Variants in CTDSPL2 observed in about 807,000 individuals in gnomAD.
CTDSPL2 encodes the protein CTD small phosphatase like 2, also known as CTD small phosphatase-like protein 2.
CTDSPL2 carries 5 observed loss-of-function variants against 60.0 expected under a neutral mutation model. The ratio of observed to expected loss-of-function variants is 0.08; its 90% CI spans 0.04 to 0.18. CTDSPL2 has a LOEUF of 0.18. Among genes scored for constraint, CTDSPL2 ranks in the 10% least tolerant of loss-of-function variants. The pLI is 1.00. For missense variants in CTDSPL2, 370 were observed against 548.8 expected, an observed-to-expected ratio of 0.67 and a Z score of 3.26; for synonymous variants, 186 against 189.3, an observed-to-expected ratio of 0.98 and a Z score of 0.14.
intron 8 of CTDSPL2, chr15:44,501,831 G>C (rs2140836127): frequency 2.9e-6 from 1 of 346,116 alleles, no homozygotes; most frequent in African/African-American, 2.1e-5. Flanking sequence ...ACATTCCCTT[G>C]GATTTCTTAT....
chr15:44,512,117 A>G (rs1301216068), intron 8 of CTDSPL2, among the ~76,000 whole-genome samples: 2 of 151,932 alleles, frequency 1.3e-5, no homozygotes, highest in Non-Finnish European at 2.9e-5. Context: ...GGATCACTTC[A>G]GCCCGGGAGG....
intron 1 of CTDSPL2, among the ~76,000 whole-genome samples, chr15:44,444,461 C>G (rs1366062724): frequency 3.3e-5 from 5 of 152,064 alleles, no homozygotes; most frequent in Non-Finnish European, 7.4e-5. Flanking sequence ...CCTGCCACCT[C>G]AGCCTCCCAA....
At chr15:44,461,360 A>G (rs935571290) in intron 2 of CTDSPL2, among the ~76,000 whole-genome samples, 2 of 152,088 alleles carry the variant, frequency 1.3e-5, no homozygotes, top group African/African-American at 4.8e-5. Context: ...CATTCAACAC[A>G]TATTTTGTAT....
intron 1 of CTDSPL2, among the ~76,000 whole-genome samples, chr15:44,452,283 T>C (rs943488295): frequency 1.3e-5 from 2 of 152,224 alleles, no homozygotes; most frequent in South Asian, 2.1e-4. Flanking sequence ...AAAAATTCTT[T>C]TTAATGATGT....
rs564439148 is a variant in CTDSPL2, at chr15:44,487,596, T to C, written c.475+896T>C. ...GCCATTCCAGGTAGAAGGAGCAGCA[T>C]GCGTAGAGGCCTTGCAGCAGAAAAC... On this transcript the variant is annotated intron_variant, in intron 4 of 12. Coordinates refer to ENST00000260327, the MANE Select transcript of CTDSPL2 (RefSeq NM_016396.3). 4.5e-3 allele frequency among the ~76,000 whole-genome samples: 682 copies of C among 152,332 alleles called. 4 individuals are homozygous for C. Among genetic ancestry groups the C allele is most frequent in the African/African-American group, 0.016 (649 of 41,582 alleles).
chr15:44,429,380 G>A (rs1401607924), intron 1 of CTDSPL2, among the ~76,000 whole-genome samples: 4 of 152,144 alleles, frequency 2.6e-5, no homozygotes, highest in African/African-American at 9.7e-5. Context: ...TAAATCATTG[G>A]TCTAGTGTGT....
intron 3 of CTDSPL2, among the ~76,000 whole-genome samples, chr15:44,485,819 G>C (rs1454061546): frequency 6.6e-6 from 1 of 152,146 alleles, no homozygotes; most frequent in Non-Finnish European, 1.5e-5. Context: ...GGGAGAAAAA[G>C]ACTGAGACAA....
chr15:44,493,084 CT>C lies in CTDSPL2; in HGVS notation c.691+2095del, dbSNP rs373492274. 2.0e-4 allele frequency among the ~76,000 whole-genome samples: 29 copies of C among 148,040 alleles called. No individual in the cohort carries two copies. In the East Asian group the frequency reaches 2.7e-3, roughly 14 times the overall value. ...TTATTCTCCCAGCATTTATGAGCAC[CT>C]TTTTTTTTTGTGATTGGAACTGTTG... On this transcript the variant is annotated intron_variant, in intron 5 of 12. Transcript: ENST00000260327.
chr15:44,496,851 A>C (rs2081309656), intron 6 of CTDSPL2, among the ~76,000 whole-genome samples, 176 bp from the exon 7 acceptor site: 1 of 152,180 alleles, frequency 6.6e-6, no homozygotes, highest in Admixed American at 6.5e-5. Context: ...AAACAAAAAC[A>C]GCTGTTACTA....
chr15:44,435,608 G>GTT lies in CTDSPL2; in HGVS notation c.-25+7851_-25+7852dup, dbSNP rs1220492528. Among the ~76,000 whole-genome samples the GTT allele has an allele frequency of 4.5e-3, 596 of 133,764 alleles. 5 individuals carry two copies. The highest frequency in any genetic ancestry group is 0.015 in the African/African-American group (572 of 36,906). The allele number at this position is 133,764 out of a possible 152,430, so 87.8% of individuals were successfully genotyped here. A position where few individuals can be genotyped will look rare whatever the true frequency, so the allele number is the denominator to read the frequency against. ...AAGAGAATCTTCCTGTTGTAGAGTT[G>GTT]TTTTTTTTTTTTTTTTGAGGCGGAG... On this transcript the variant is annotated intron_variant, in intron 1 of 12. Coordinates refer to ENST00000260327, the MANE Select transcript of CTDSPL2 (RefSeq NM_016396.3).
intron 5 of CTDSPL2, among the ~76,000 whole-genome samples, chr15:44,492,944 T>C (rs2081241232): frequency 6.6e-6 from 1 of 152,324 alleles, no homozygotes; most frequent in South Asian, 2.1e-4. Context: ...TGCTCTTGTA[T>C]AAGCCTTTTT....
chr15:44,444,372 C>A (rs1255083451), intron 1 of CTDSPL2, among the ~76,000 whole-genome samples: 1 of 148,276 alleles, frequency 6.7e-6, no homozygotes, highest in Non-Finnish European at 1.5e-5. Context: ...TGAGAAGGGA[C>A]CTTACTCTGT....
At chr15:44,449,198 G>A (rs548387980) in intron 1 of CTDSPL2, 3 of 287,632 alleles carry the variant, frequency 1.0e-5, no homozygotes, top group Non-Finnish European at 2.1e-5. Context: ...TAGCCATCAC[G>A]TTTTGCATTG....
At chr15:44,461,648 C>T (rs1212686256) in intron 2 of CTDSPL2, among the ~76,000 whole-genome samples, 1 of 149,322 alleles carries the variant, frequency 6.7e-6, no homozygotes, top group African/African-American at 2.5e-5. Flanking sequence ...GAACTCCTGA[C>T]CACAAGCAGT....
rs2081323224 is a variant in CTDSPL2 at position 44,497,615 on chromosome 15, C to T, written c.882+477C>T. 3.9e-5 allele frequency among the ~76,000 whole-genome samples: 6 copies of T among 152,282 alleles called. No individual in the cohort carries two copies. The South Asian group carries it at 1.2e-3, about 32-fold the overall frequency. On this transcript the variant is annotated intron_variant, in intron 7 of 12. Coordinates refer to ENST00000260327, the MANE Select transcript of CTDSPL2 (RefSeq NM_016396.3). Reference sequence around the variant, plus strand: ...TCGACCTCCTGACCTCATGATCCGCCCGCCTCGGCCTCCCAAAGTGTTGGA... The same window carrying T: ...TCGACCTCCTGACCTCATGATCCGCTCGCCTCGGCCTCCCAAAGTGTTGGA...
chr15:44,465,754 C>T (rs977757022), intron 2 of CTDSPL2, among the ~76,000 whole-genome samples: 3 of 146,318 alleles, frequency 2.1e-5, no homozygotes, highest in African/African-American at 7.7e-5. Flanking sequence ...TGCTCTGTCG[C>T]CCAGGCTGGA....
At chr15:44,521,704 C>T (rs931407319) in intron 12 of CTDSPL2, among the ~76,000 whole-genome samples, 43 of 151,696 alleles carry the variant, frequency 2.8e-4, no homozygotes, top group Middle Eastern at 3.4e-3. Context: ...TTTGGGAGGC[C>T]GAGGCGGGCG....
chr15:44,500,913 C>T (rs907186928), intron 8 of CTDSPL2, among the ~76,000 whole-genome samples: 11 of 152,100 alleles, frequency 7.2e-5, no homozygotes, highest in Admixed American at 5.2e-4. Flanking sequence ...TTTATGTAAG[C>T]TGATTTTAGT....
intron 1 of CTDSPL2, chr15:44,448,175 G>T: frequency 7.6e-6 from 2 of 261,994 alleles, no homozygotes; most frequent in South Asian, 3.9e-5. Context: ...TGGTCCACAT[G>T]GTCAATGGGA....
Sources: gnomAD v4.1 joint callset for allele counts (sites outside exome capture counted in the v4.1 genomes callset) on GRCh38, gnomAD v4.1.1 for gene constraint, MANE v1.5 for transcripts, NCBI Gene and HGNC (gene_info 2026-07-23, HGNC 2026-07-21) for gene names.